ABL1: variants seen among roughly 807,000 people sequenced by gnomAD.
The protein encoded by ABL1 is ABL proto-oncogene 1, non-receptor tyrosine kinase.
ABL1 carries 11 observed loss-of-function variants against 94.7 expected under a neutral mutation model. The ratio of observed to expected loss-of-function variants is 0.12; its 90% CI spans 0.07 to 0.19. The LOEUF is 0.19. ABL1 is among the 10% of genes least tolerant of loss of function. The pLI, the probability that ABL1 is intolerant of heterozygous loss-of-function variation, is 1.00. For synonymous variants in ABL1, 656 were observed against 622.4 expected (o/e 1.05, Z -0.80); for missense variants, 1,082 against 1,489.4 (o/e 0.73, Z 4.50).
intron 1 of ABL1, among the ~76,000 whole-genome samples, chr9:130,772,648 A>C (rs1416824277): frequency 6.6e-6 from 1 of 152,206 alleles, no homozygotes; most frequent in African/African-American, 2.4e-5. Context: ...CCACACCCCA[A>C]ATCTGTTGAA....
chr9:130,777,419 A>G (rs112257486), intron 1 of ABL1, among the ~76,000 whole-genome samples: 1,038 of 94,970 alleles, frequency 0.011, no homozygotes, highest in Middle Eastern at 0.069. Flanking sequence ...CTTCTAGACT[A>G]TGAGCAGGGG....
intron 1 of ABL1, among the ~76,000 whole-genome samples, chr9:130,744,238 G>A (rs572919607): frequency 1.6e-4 from 25 of 151,924 alleles, no homozygotes; most frequent in East Asian, 1.4e-3. Flanking sequence ...TGCCTCCCGG[G>A]TTCAAGAGAT....
intron 1 of ABL1, among the ~76,000 whole-genome samples, chr9:130,847,146 T>C (rs1414126234): frequency 6.6e-6 from 1 of 152,204 alleles, no homozygotes; most frequent in Non-Finnish European, 1.5e-5. Flanking sequence ...TTTGTTAACA[T>C]TATGACAAAA....
At position 130,885,227 on chromosome 9, in the gene ABL1, C is replaced by G. The variant is rs1291148009; in HGVS notation, c.2937C>G (p.Ala979=). 4 of 1,613,754 alleles carry G rather than the reference C, an allele frequency of 2.5e-6. No individual in the cohort carries two copies. Among genetic ancestry groups the G allele is most frequent in the Middle Eastern group, 1.6e-4 (1 of 6,084 alleles). ...AKPSGTPISP[A]PVPSTLPSAS... ...CGTCGGGGACCCCCATCAGCCCAGC[C>G]CCCGTTCCCTCCACGTTGCCATCAG... is the stretch of plus-strand genomic sequence containing the variant. Residue 979 remains alanine, a synonymous_variant, in exon 11 of 11, where the codon GCC becomes GCG. Coordinates refer to ENST00000318560, the MANE Select transcript of ABL1 (RefSeq NM_005157.6).
At chr9:130,739,707 G>A (rs760188474) in intron 1 of ABL1, among the ~76,000 whole-genome samples, 1 of 152,052 alleles carries the variant, frequency 6.6e-6, no homozygotes, top group Non-Finnish European at 1.5e-5. Context: ...TCCAACCATG[G>A]TATGACTTCT....
intron 1 of ABL1, among the ~76,000 whole-genome samples, chr9:130,773,894 A>G (rs1174105016): frequency 6.6e-5 from 10 of 152,194 alleles, no homozygotes; most frequent in African/African-American, 2.4e-4. Context: ...CAATTAAGAT[A>G]GTGAAAAGCC....
At chr9:130,797,924 G>C (rs1830001574) in intron 1 of ABL1, among the ~76,000 whole-genome samples, 1 of 152,086 alleles carries the variant, frequency 6.6e-6, no homozygotes, top group South Asian at 2.1e-4. Context: ...TCAAGAGACT[G>C]TGCCCCATGT....
At chr9:130,724,671 C>T (rs1215634190) in intron 1 of ABL1, 7 of 301,068 alleles carry the variant, frequency 2.3e-5, no homozygotes, top group Middle Eastern at 1.4e-3. Context: ...GGCGTGGTGA[C>T]GCATACCTGT....
intron 1 of ABL1, among the ~76,000 whole-genome samples, chr9:130,751,513 A>T (rs1831967036): frequency 6.6e-6 from 1 of 152,140 alleles, no homozygotes; most frequent in African/African-American, 2.4e-5. Context: ...GGGAGGGCTG[A>T]AAAAGCAGGT....
intron 3 of ABL1, among the ~76,000 whole-genome samples, chr9:130,856,509 A>G (rs1304473760): frequency 6.6e-6 from 1 of 152,216 alleles, no homozygotes; most frequent in Admixed American, 6.5e-5. Context: ...GGCACGAGCC[A>G]CTGTGCCCAG....
chr9:130,843,716 A>C (rs1830713912), intron 1 of ABL1, among the ~76,000 whole-genome samples: 1 of 152,028 alleles, frequency 6.6e-6, no homozygotes, highest in South Asian at 2.1e-4. Context: ...GGCCAGGAAG[A>C]GCAGAAGAGG....
At chr9:130,782,373 T>A (rs563307866) in intron 1 of ABL1, among the ~76,000 whole-genome samples, 2 of 152,308 alleles carry the variant, frequency 1.3e-5, no homozygotes, top group African/African-American at 4.8e-5. Flanking sequence ...TATTTTCTAT[T>A]TTATTTCATT....
At chr9:130,882,469 C>T (rs1831474840) in intron 10 of ABL1, among the ~76,000 whole-genome samples, 1 of 152,188 alleles carries the variant, frequency 6.6e-6, no homozygotes, top group South Asian at 2.1e-4. Context: ...CAGAAAACCT[C>T]TTCTTGCAAG....
chr9:130,839,472 G>A (rs557204878), intron 1 of ABL1, among the ~76,000 whole-genome samples: 1 of 152,272 alleles, frequency 6.6e-6, no homozygotes, highest in African/African-American at 2.4e-5. Flanking sequence ...TTCATTTTGG[G>A]TGCTATTAAC....
At chr9:130,760,693 T>C (rs985792862) in intron 1 of ABL1, among the ~76,000 whole-genome samples, 10 of 151,682 alleles carry the variant, frequency 6.6e-5, no homozygotes, top group African/African-American at 2.4e-4. Flanking sequence ...AAATGGAGTC[T>C]CGCTCTGTCG....
chr9:130,872,052 G>T lies in ABL1; in HGVS notation c.823-77G>T. On this transcript the variant is annotated intron_variant, in intron 4 of 10. Transcript: ENST00000318560. This position sits in a 1 kb window ranked among gnomAD's most constrained non-coding sequence, Gnocchi z 5.0. Reference sequence around the variant, plus strand: ...CGAGTATGCGCTGAAGCTCCATTTTGCATTAACTAGTCAAGTACTTACCCA... The same window carrying T: ...CGAGTATGCGCTGAAGCTCCATTTTTCATTAACTAGTCAAGTACTTACCCA... The T allele has an allele frequency of 7.6e-7, 1 of 1,320,514 alleles. No homozygotes were observed. The allele number at this position is 1,320,514 out of a possible 1,614,324, so 81.8% of individuals were successfully genotyped here.
At chr9:130,882,039 C>T (rs919558464) in intron 10 of ABL1, among the ~76,000 whole-genome samples, 2 of 152,196 alleles carry the variant, frequency 1.3e-5, no homozygotes, top group East Asian at 1.9e-4. Flanking sequence ...CTTCCCGCCC[C>T]GCTGGGCCAT....
intron 1 of ABL1, among the ~76,000 whole-genome samples, chr9:130,724,063 G>A (rs1831548195): frequency 6.6e-6 from 1 of 151,916 alleles, no homozygotes; most frequent in South Asian, 2.1e-4. Flanking sequence ...ACCTGCCTTG[G>A]CCTTCCAAAG....
chr9:130,744,444 T>A (rs1831859169), intron 1 of ABL1, among the ~76,000 whole-genome samples: 2 of 151,190 alleles, frequency 1.3e-5, no homozygotes, highest in Admixed American at 1.3e-4. Context: ...CCTGGCCCCT[T>A]CTTGTTTTTG....
Sources: allele counts gnomAD v4.1 joint callset (sites outside exome capture counted in the v4.1 genomes callset), GRCh38; gene constraint gnomAD v4.1.1; non-coding constraint Gnocchi (gnomAD v3.1); transcripts MANE v1.5; gene names NCBI Gene and HGNC (gene_info 2026-07-23, HGNC 2026-07-21).